Variants in N4BP1 observed in about 807,000 individuals in gnomAD.
N4BP1 encodes the protein NEDD4-binding protein 1.
N4BP1 carries 21 observed loss-of-function variants against 70.9 expected under a neutral mutation model. The observed-to-expected ratio is 0.30, with a 90% confidence interval of 0.21 to 0.43. N4BP1 has a LOEUF of 0.43. Among genes scored for constraint, N4BP1 ranks in the 20% least tolerant of loss-of-function variants. The pLI is 1.00. For missense variants in N4BP1, 936 were observed against 1,069.4 expected, an observed-to-expected ratio of 0.88 and a Z score of 1.74; for synonymous variants, 387 against 394.6, an observed-to-expected ratio of 0.98 and a Z score of 0.23.
chr16:48,560,036 G>A (rs1409760432), intron 2 of N4BP1, among the ~76,000 whole-genome samples: 1 of 152,010 alleles, frequency 6.6e-6, no homozygotes, highest in African/African-American at 2.4e-5. Context: ...TCAAACAGCT[G>A]GTCCACAGTG....
chr16:48,593,021 C>T (rs1383042714), intron 1 of N4BP1, among the ~76,000 whole-genome samples: 2 of 152,106 alleles, frequency 1.3e-5, no homozygotes, highest in African/African-American at 4.8e-5. Context: ...TGAAAGGATT[C>T]ATGAAAGGAA....
intron 1 of N4BP1, among the ~76,000 whole-genome samples, chr16:48,582,989 G>A (rs1964195566): frequency 6.6e-6 from 1 of 152,164 alleles, no homozygotes; most frequent in Non-Finnish European, 1.5e-5. Context: ...AGGAAGCTGA[G>A]GTGGGGGAAC....
intron 1 of N4BP1, among the ~76,000 whole-genome samples, chr16:48,583,618 G>A (rs1249499407): frequency 6.6e-6 from 1 of 152,178 alleles, no homozygotes; most frequent in East Asian, 1.9e-4. Flanking sequence ...ATTCCACATT[G>A]TTATGTACTT....
rs371090316 is a variant in N4BP1 at position 48,561,199 on chromosome 16, T to G, written c.1444A>C (p.Ile482Leu). The G allele has an allele frequency of 1.4e-5, 22 of 1,613,906 alleles. No individual in the cohort carries two copies. The highest frequency in any genetic ancestry group is 1.8e-5 in the Non-Finnish European group (21 of 1,179,896). ...TCAGTTTCAGGGTCTGTGTTACAAA[T>G]GTAGTTCTGGTTTGAACCCCAGACT... ...HEVWGSNQNY[I>L]CNTDPETDGL... Residue 482 changes from isoleucine to leucine, a missense_variant, in exon 2 of 7, where the codon ATT becomes CTT. By Grantham distance (5) the Ile-to-Leu change is conservative. Around this residue, in one of 4 missense-constraint regions of N4BP1, gnomAD observed 515 missense variants for 491.7 expected, o/e 1.05. Transcript: ENST00000262384.
At chr16:48,557,080 A>AG (rs1268021282) in intron 2 of N4BP1, among the ~76,000 whole-genome samples, 4 of 152,158 alleles carry the variant, frequency 2.6e-5, no homozygotes, top group African/African-American at 4.8e-5. Flanking sequence ...AGCATTAAAC[A>AG]GGGTACTGTG....
At chr16:48,606,219 A>T (rs1964580421) in intron 1 of N4BP1, among the ~76,000 whole-genome samples, 1 of 151,682 alleles carries the variant, frequency 6.6e-6, no homozygotes. Flanking sequence ...CTTAAAACCG[A>T]CCCCTAAATC....
intron 1 of N4BP1, chr16:48,600,554 C>G: frequency 3.5e-6 from 2 of 578,288 alleles, no homozygotes; most frequent in Non-Finnish European, 6.7e-6. Context: ...GCAAAACATC[C>G]ATCTTATCTG....
intron 1 of N4BP1, among the ~76,000 whole-genome samples, chr16:48,575,255 C>G (rs555761554): frequency 6.8e-4 from 104 of 152,234 alleles, no homozygotes; most frequent in African/African-American, 2.3e-3. Flanking sequence ...GTCCAAATAT[C>G]CATCATTTGA....
chr16:48,560,589 C>T (rs922567634), intron 2 of N4BP1, 165 bp downstream of exon 2: 3 of 815,816 alleles, frequency 3.7e-6, no homozygotes, highest in Non-Finnish European at 5.6e-6. Context: ...GATGGACTGA[C>T]AAAACCTTTC....
chr16:48,551,580 T>C, intron 3 of N4BP1, 98 bp from the exon 4 acceptor site: 1 of 826,982 alleles, frequency 1.2e-6, no homozygotes, highest in Non-Finnish European at 1.9e-6. Flanking sequence ...CTTGGAGAGC[T>C]GTAGAAAACC....
intron 1 of N4BP1, among the ~76,000 whole-genome samples, chr16:48,595,835 A>G (rs1964404602): frequency 6.6e-6 from 1 of 152,164 alleles, no homozygotes; most frequent in Non-Finnish European, 1.5e-5. Flanking sequence ...GACCTGTGGT[A>G]AGTAAAGAAT....
chr16:48,593,871 G>A (rs141066604), intron 1 of N4BP1, among the ~76,000 whole-genome samples: 91 of 151,874 alleles, frequency 6.0e-4, no homozygotes, highest in African/African-American at 2.0e-3. Flanking sequence ...GTGTGTTGGC[G>A]GGTGCCTGTA....
Position 48,539,928 on chromosome 16 carries a change from C to G in N4BP1, c.*2976G>C, listed in dbSNP as rs553142363. 6.6e-6 allele frequency: 1 copy of G among 152,516 alleles called. No homozygotes were observed. Among genetic ancestry groups the G allele is most frequent in the Non-Finnish European group, 1.5e-5 (1 of 68,130 alleles). 9.4% of individuals were successfully genotyped at this position (152,516 alleles called of 1,614,324 possible). On this transcript the variant is annotated 3_prime_UTR_variant, in exon 7 of 7. Transcript: ENST00000262384. ...CCAGGCACCGGGCCGTCCCCAAGGGCTGCTCTCAGTCCGCTTTCACTTGGT... is the reference window on the plus strand; with the variant it reads ...CCAGGCACCGGGCCGTCCCCAAGGGGTGCTCTCAGTCCGCTTTCACTTGGT...
intron 1 of N4BP1, among the ~76,000 whole-genome samples, chr16:48,598,953 T>C (rs945327538): frequency 1.3e-5 from 2 of 152,138 alleles, no homozygotes; most frequent in Non-Finnish European, 2.9e-5. Flanking sequence ...AGTTAAAAAG[T>C]TGTATCTCCT....
At chr16:48,578,815 C>T (rs1003217512) in intron 1 of N4BP1, among the ~76,000 whole-genome samples, 2 of 152,212 alleles carry the variant, frequency 1.3e-5, no homozygotes, top group African/African-American at 4.8e-5. Flanking sequence ...TCCAAAAGTA[C>T]CTTCTAAGAA....
intron 1 of N4BP1, among the ~76,000 whole-genome samples, chr16:48,574,209 C>A (rs1964061006): frequency 6.6e-6 from 1 of 152,220 alleles, no homozygotes; most frequent in South Asian, 2.1e-4. Flanking sequence ...TTAAACCATG[C>A]GTATATATTA....
intron 1 of N4BP1, among the ~76,000 whole-genome samples, chr16:48,601,350 A>G (rs916204925): frequency 6.6e-6 from 1 of 152,252 alleles, no homozygotes; most frequent in African/African-American, 2.4e-5. Flanking sequence ...ATCTAGAAGC[A>G]GAGGAATCCC....
chr16:48,552,735 A>AAG (rs1963693691), intron 3 of N4BP1, among the ~76,000 whole-genome samples: 1 of 145,044 alleles, frequency 6.9e-6, no homozygotes, highest in Non-Finnish European at 1.5e-5. Context: ...AAAAAAAAAA[A>AAG]AAAGACTCCT....
chr16:48,548,733 A>T (rs1854155737), intron 4 of N4BP1, among the ~76,000 whole-genome samples: 1 of 151,708 alleles, frequency 6.6e-6, no homozygotes, highest in Non-Finnish European at 1.5e-5. Context: ...CCAGCTACTC[A>T]GGAGGCTGAG....
Sources: gnomAD v4.1 joint callset for allele counts (sites outside exome capture counted in the v4.1 genomes callset) on GRCh38, gnomAD v4.1.1 for gene constraint, gnomAD v4.1.1 regional missense constraint, MANE v1.5 for transcripts, NCBI Gene and HGNC (gene_info 2026-07-23, HGNC 2026-07-21) for gene names.